KCNMA1: variants seen among roughly 807,000 people sequenced by gnomAD.
The protein encoded by KCNMA1 is potassium calcium-activated channel subfamily M alpha 1.
A neutral mutation model predicts 140.0 loss-of-function variants in KCNMA1; 29 were observed. The observed-to-expected ratio is 0.21, with a 90% CI of 0.15 to 0.28. KCNMA1 has a LOEUF of 0.28. KCNMA1 is among the 10% of genes least tolerant of loss of function. The pLI is 1.00. For synonymous variants in KCNMA1, 612 were observed against 611.9 expected, an observed-to-expected ratio of 1.00 and a Z score of 0.00; for missense variants, 880 against 1,602.2, an observed-to-expected ratio of 0.55 and a Z score of 7.70.
At chr10:76,943,279 C>T (rs1311611031) in intron 23 of KCNMA1, among the ~76,000 whole-genome samples, 5 of 152,190 alleles carry the variant, frequency 3.3e-5, no homozygotes, top group African/African-American at 7.2e-5. Flanking sequence ...TGCTGTCCTG[C>T]GGGCACAGCT....
At chr10:77,565,710 G>A (rs1022637985) in intron 1 of KCNMA1, among the ~76,000 whole-genome samples, 4 of 152,244 alleles carry the variant, frequency 2.6e-5, no homozygotes, top group African/African-American at 7.2e-5. Context: ...TTGATCTGGT[G>A]CAGTGCTTAG....
intron 2 of KCNMA1, among the ~76,000 whole-genome samples, chr10:77,293,571 T>A (rs2074027262): frequency 6.6e-6 from 1 of 152,222 alleles, no homozygotes; most frequent in Admixed American, 6.5e-5. Flanking sequence ...AGCCTTGCAT[T>A]CCAAGGTGAT....
Position 76,937,832 on chromosome 10 carries a change from G to A in KCNMA1, c.2902+6941C>T, listed in dbSNP as rs75138871. Among the ~76,000 whole-genome samples, 1,263 of 152,198 alleles carry A rather than the reference G, an allele frequency of 8.3e-3. 10 individuals carry two copies. The highest frequency in any genetic ancestry group is 0.028 in the African/African-American group (1,158 of 41,536). On this transcript the variant is annotated intron_variant, in intron 23 of 27. Coordinates refer to ENST00000286628, the MANE Select transcript of KCNMA1 (RefSeq NM_001161352.2). ...GAAATGTGGAGAAAGGAGGGTGTCC[G>A]CTTATATGTGGATGTTCATTTAGTG...
intron 14 of KCNMA1, among the ~76,000 whole-genome samples, chr10:77,059,562 T>C (rs2095662381): frequency 6.6e-6 from 1 of 152,124 alleles, no homozygotes; most frequent in Non-Finnish European, 1.5e-5. Context: ...AATCATTCAA[T>C]GTAATTTACC....
chr10:77,012,978 A>G (rs1345778975), intron 17 of KCNMA1, among the ~76,000 whole-genome samples: 1 of 152,192 alleles, frequency 6.6e-6, no homozygotes, highest in Non-Finnish European at 1.5e-5. Flanking sequence ...AGGTGATAAA[A>G]TTCACTGGAA....
chr10:77,447,062 C>T (rs1404002014), intron 1 of KCNMA1, among the ~76,000 whole-genome samples: 2 of 152,338 alleles, frequency 1.3e-5, no homozygotes, highest in South Asian at 4.1e-4. Flanking sequence ...TTCAGGGAGA[C>T]GGCTTTGCAA....
At chr10:76,985,011 G>C (rs909068936) in intron 19 of KCNMA1, among the ~76,000 whole-genome samples, 1 of 152,202 alleles carries the variant, frequency 6.6e-6, no homozygotes, top group Non-Finnish European at 1.5e-5. Context: ...ACCTGCTGGT[G>C]GACCTGCATG....
chr10:77,382,807 G>A (rs1284078494), intron 2 of KCNMA1, among the ~76,000 whole-genome samples: 1 of 128,370 alleles, frequency 7.8e-6, no homozygotes. Flanking sequence ...GGAGGTTGCA[G>A]TAAGCCGAGA....
At chr10:77,051,551 G>T (rs1247772) in intron 14 of KCNMA1, among the ~76,000 whole-genome samples, 152,086 of 152,300 alleles carry the variant, frequency 1, 75,936 homozygotes, top group East Asian at 1. Context: ...CAGAGTGGAT[G>T]TTAGGCCTCA....
chr10:76,914,927 G>T lies in KCNMA1; in HGVS notation c.3016+9C>A, dbSNP rs573678568. On this transcript the variant is annotated intron_variant, in intron 24 of 27. Transcript: ENST00000286628. ...AAAAACTCCCCCCAAAGCTGACATT[G>T]ACCCCTACCTAGTTCAGTGATGATG... is the stretch of plus-strand genomic sequence containing the variant. The T allele has an allele frequency of 2.5e-6, 4 of 1,582,346 alleles. No homozygotes were observed. The highest frequency in any genetic ancestry group is 2.7e-5 in the African/African-American group (2 of 74,386).
At chr10:77,454,015 A>G (rs2097712059) in intron 1 of KCNMA1, among the ~76,000 whole-genome samples, 1 of 152,208 alleles carries the variant, frequency 6.6e-6, no homozygotes, top group African/African-American at 2.4e-5. Context: ...ATAAAGCTCA[A>G]AGGCAAGACC....
chr10:77,551,171 T>G (rs1359402732), intron 1 of KCNMA1, among the ~76,000 whole-genome samples: 1 of 151,910 alleles, frequency 6.6e-6, no homozygotes, highest in Non-Finnish European at 1.5e-5. Flanking sequence ...TATCATGGAG[T>G]GACAGGAAAA....
At chr10:77,613,395 C>A (rs1453076122) in intron 1 of KCNMA1, among the ~76,000 whole-genome samples, 2 of 152,164 alleles carry the variant, frequency 1.3e-5, no homozygotes, top group Non-Finnish European at 2.9e-5. Flanking sequence ...CATTAAAGAA[C>A]TCAAAGCTTA....
At position 76,886,620 on chromosome 10, in the gene KCNMA1, AC is replaced by A. The variant is rs2151672176; in HGVS notation, c.*645del. ...ACTCCCAGAGGGAACTGGCTCTGGGACAAAAGGCCTTGGTGAGTAACTAAAA... is the reference window on the plus strand; with the variant it reads ...ACTCCCAGAGGGAACTGGCTCTGGGAAAAAGGCCTTGGTGAGTAACTAAAA... On this transcript the variant is annotated 3_prime_UTR_variant, in exon 28 of 28. Coordinates refer to ENST00000286628, the MANE Select transcript of KCNMA1 (RefSeq NM_001161352.2). 1 of 989,956 alleles carries A rather than the reference AC, an allele frequency of 1.0e-6. No individual in the cohort carries two copies. The highest frequency in any genetic ancestry group is 1.2e-6 in the Non-Finnish European group (1 of 832,752). 61.3% of individuals were successfully genotyped at this position (989,956 alleles called of 1,614,324 possible).
At chr10:77,274,449 T>C (rs2066047179) in intron 2 of KCNMA1, among the ~76,000 whole-genome samples, 1 of 152,218 alleles carries the variant, frequency 6.6e-6, no homozygotes, top group Admixed American at 6.5e-5. Context: ...GCTAATCATT[T>C]AAATGATGCT....
intron 12 of KCNMA1, among the ~76,000 whole-genome samples, chr10:77,081,713 C>G (rs910601803): frequency 6.6e-6 from 1 of 152,138 alleles, no homozygotes; most frequent in Non-Finnish European, 1.5e-5. Flanking sequence ...TGCGTTGGCC[C>G]ACGCTTATAA....
rs974863295 is a variant in KCNMA1 at position 77,637,166 on chromosome 10, G to A, written c.378+99C>T. On this transcript the variant is annotated intron_variant, in intron 1 of 27. Coordinates refer to ENST00000286628, the MANE Select transcript of KCNMA1 (RefSeq NM_001161352.2). ...CGAGGGGAAGGCAGGCGGGGATGGA[G>A]GGAGGCACGGCGCGGCGCGGAGCGA... 6 of 1,275,034 alleles carry A rather than the reference G, an allele frequency of 4.7e-6. No homozygotes were observed. In the African/African-American group the frequency reaches 6.0e-5, roughly 13 times the overall value. 79.0% of individuals were successfully genotyped at this position (1,275,034 alleles called of 1,614,324 possible).
At chr10:76,927,201 T>A (rs929919376) in intron 23 of KCNMA1, among the ~76,000 whole-genome samples, 1 of 152,150 alleles carries the variant, frequency 6.6e-6, no homozygotes, top group African/African-American at 2.4e-5. Flanking sequence ...ACATCCAGAT[T>A]TTTTTGATTC....
At chr10:77,121,126 A>T in intron 5 of KCNMA1, 78 bp from the exon 6 acceptor site, 1 of 957,726 alleles carries the variant, frequency 1.0e-6, no homozygotes, top group Non-Finnish European at 1.7e-6. Context: ...TTTGATTTAC[A>T]GTTCCCAAGG....
Sources: allele counts gnomAD v4.1 joint callset (sites outside exome capture counted in the v4.1 genomes callset), GRCh38; gene constraint gnomAD v4.1.1; transcripts MANE v1.5; gene names NCBI Gene and HGNC (gene_info 2026-07-23, HGNC 2026-07-21).